LRP1B: variants seen among roughly 807,000 people sequenced by gnomAD.
LRP1B encodes low-density lipoprotein receptor-related protein 1B.
A neutral mutation model predicts 556.6 loss-of-function variants in LRP1B; 217 were observed. The ratio of observed to expected loss-of-function variants is 0.39; its 90% CI spans 0.35 to 0.44. The LOEUF is 0.44. Ranked by LOEUF, LRP1B falls within the 20% of genes least tolerant of loss-of-function variation. The pLI, the probability that LRP1B is intolerant of heterozygous loss-of-function variation, is 1.00. For synonymous variants in LRP1B, 2,047 were observed against 1,865.8 expected, an observed-to-expected ratio of 1.10 and a Z score of -2.50; for missense variants, 5,053 against 5,620.8, an observed-to-expected ratio of 0.90 and a Z score of 3.23.
intron 43 of LRP1B, among the ~76,000 whole-genome samples, chr2:140,547,987 G>C (rs1290067024): frequency 6.7e-6 from 1 of 150,280 alleles, no homozygotes; most frequent in African/African-American, 2.4e-5. Flanking sequence ...ACTTTTACAG[G>C]AATGATTACT....
At chr2:141,572,316 T>A (rs991920161) in intron 2 of LRP1B, among the ~76,000 whole-genome samples, 1 of 152,156 alleles carries the variant, frequency 6.6e-6, no homozygotes, top group African/African-American at 2.4e-5. Flanking sequence ...CAAAATTTCA[T>A]ATCCAGCCAA....
At position 141,020,052 on chromosome 2, in the gene LRP1B, A is replaced by C. The variant is rs1236486196; in HGVS notation, c.1840T>G (p.Tyr614Asp). 6.2e-7 allele frequency: 1 copy of C among 1,611,704 alleles called. No homozygotes were observed. Among genetic ancestry groups the C allele is most frequent in the Non-Finnish European group, 8.5e-7 (1 of 1,178,462 alleles). The change falls in exon 12 of 91, where the codon TAC becomes GAC. Residue 614 changes from tyrosine to aspartate, a missense_variant. Physicochemically the swap from Tyr to Asp is radical, Grantham distance 160. Coordinates refer to ENST00000389484, the MANE Select transcript of LRP1B (RefSeq NM_018557.3). ...TTCCTATGGCCATCATTGGTCCAGTAAAGATTATTTCCAATCCAGTCCACA... is the reference window on the plus strand; with the variant it reads ...TTCCTATGGCCATCATTGGTCCAGTCAAGATTATTTCCAATCCAGTCCACA... Reference protein sequence around the residue: ...IAVDWIGNNLYWTNDGHRKTI... With the variant: ...IAVDWIGNNLDWTNDGHRKTI...
At chr2:141,488,979 G>GTTTA (rs1683225421) in intron 2 of LRP1B, among the ~76,000 whole-genome samples, 2 of 123,774 alleles carry the variant, frequency 1.6e-5, no homozygotes, top group Non-Finnish European at 3.6e-5. Flanking sequence ...TTTTTTGTTT[G>GTTTA]TTTGTTTGTT....
At chr2:141,122,864 T>C (rs1017748331) in intron 7 of LRP1B, among the ~76,000 whole-genome samples, 1 of 152,068 alleles carries the variant, frequency 6.6e-6, no homozygotes, top group African/African-American at 2.4e-5. Context: ...TGTCCAACAA[T>C]GATAGACTGG....
intron 2 of LRP1B, among the ~76,000 whole-genome samples, chr2:141,548,805 ATG>A (rs1056447194): frequency 2.6e-5 from 4 of 152,308 alleles, no homozygotes; most frequent in African/African-American, 9.6e-5. Context: ...TCCAGTATTT[ATG>A]TGGTTGCTTG....
At chr2:141,929,016 G>A (rs761177536) in intron 1 of LRP1B, among the ~76,000 whole-genome samples, 15 of 152,048 alleles carry the variant, frequency 9.9e-5, no homozygotes, top group Non-Finnish European at 1.9e-4. Context: ...GCCTTAGAGG[G>A]TCTGTGGTTT....
At chr2:141,365,953 A>AT (rs539563319) in intron 3 of LRP1B, among the ~76,000 whole-genome samples, 88 of 152,236 alleles carry the variant, frequency 5.8e-4, no homozygotes, top group African/African-American at 2.0e-3. Context: ...GATTACAGGC[A>AT]TGCGCCACCG....
At chr2:141,427,165 C>T (rs918839076) in intron 3 of LRP1B, among the ~76,000 whole-genome samples, 1 of 152,128 alleles carries the variant, frequency 6.6e-6, no homozygotes, top group African/African-American at 2.4e-5. Context: ...CAACCAAAAG[C>T]AACTTAGGCA....
At chr2:140,256,809 T>A (rs945821973) in intron 86 of LRP1B, among the ~76,000 whole-genome samples, 26 of 151,930 alleles carry the variant, frequency 1.7e-4, no homozygotes, top group East Asian at 5.8e-4. Context: ...AGCAAAAAAA[T>A]TTTTTTGCAG....
At chr2:140,778,816 T>C (rs1689589927) in intron 32 of LRP1B, among the ~76,000 whole-genome samples, 1 of 152,038 alleles carries the variant, frequency 6.6e-6, no homozygotes, top group Non-Finnish European at 1.5e-5. Flanking sequence ...ACACAACATC[T>C]CCTGAATCAG....
At chr2:140,542,291 A>T (rs757851944) in intron 43 of LRP1B, among the ~76,000 whole-genome samples, 13 of 152,124 alleles carry the variant, frequency 8.5e-5, no homozygotes, top group Non-Finnish European at 1.9e-4. Flanking sequence ...TTAGACGAAG[A>T]TTATCAACAT....
chr2:141,058,791 A>G, intron 9 of LRP1B, 92 bp downstream of exon 9: 1 of 1,005,260 alleles, frequency 9.9e-7, no homozygotes, highest in Non-Finnish European at 1.4e-6. Context: ...AGAATTTATG[A>G]CTCACTCACT....
At chr2:141,868,441 G>C (rs1698482602) in intron 1 of LRP1B, among the ~76,000 whole-genome samples, 1 of 152,106 alleles carries the variant, frequency 6.6e-6, no homozygotes, top group African/African-American at 2.4e-5. Context: ...TGGGCCTTTT[G>C]TTGCACCTCA....
intron 37 of LRP1B, among the ~76,000 whole-genome samples, chr2:140,703,810 C>T (rs1686731898): frequency 6.6e-6 from 1 of 152,122 alleles, no homozygotes; most frequent in Non-Finnish European, 1.5e-5. Context: ...AGGTTTATGG[C>T]CTCCAGCTCC....
intron 7 of LRP1B, among the ~76,000 whole-genome samples, chr2:141,070,732 C>A (rs372508957): frequency 5.9e-5 from 9 of 151,956 alleles, no homozygotes; most frequent in Non-Finnish European, 1.0e-4. Context: ...AACACCTCTA[C>A]GCAAATAAAC....
At chr2:141,078,373 T>C (rs560116927) in intron 7 of LRP1B, among the ~76,000 whole-genome samples, 1 of 152,304 alleles carries the variant, frequency 6.6e-6, no homozygotes, top group East Asian at 1.9e-4. Context: ...CCAGCTTCGT[T>C]GACATGGCAG....
At chr2:141,381,588 G>A (rs1308946841) in intron 3 of LRP1B, among the ~76,000 whole-genome samples, 1 of 151,732 alleles carries the variant, frequency 6.6e-6, no homozygotes, top group Non-Finnish European at 1.5e-5. Context: ...AACCCATACT[G>A]AGACACATCA....
intron 3 of LRP1B, among the ~76,000 whole-genome samples, chr2:141,403,979 C>CT (rs1406917743): frequency 1.3e-5 from 2 of 152,142 alleles, no homozygotes; most frequent in African/African-American, 4.8e-5. Flanking sequence ...AGAAGGCATT[C>CT]TTTCTCTTTG....
intron 40 of LRP1B, 105 bp downstream of exon 40, chr2:140,701,616 A>T (rs1686643980): frequency 9.4e-7 from 1 of 1,063,034 alleles, no homozygotes; most frequent in Non-Finnish European, 1.4e-6. Flanking sequence ...TAATGTTTTG[A>T]GGTTTTAGAC....
Sources: gnomAD v4.1 joint callset for allele counts (sites outside exome capture counted in the v4.1 genomes callset) on GRCh38, gnomAD v4.1.1 for gene constraint, MANE v1.5 for transcripts, NCBI Gene and HGNC (gene_info 2026-07-23, HGNC 2026-07-21) for gene names.